KCNC2: variants seen among roughly 807,000 people sequenced by gnomAD.
The protein encoded by KCNC2 is voltage-gated potassium channel KCNC2.
Under a neutral mutation model 44.5 loss-of-function variants are expected in KCNC2, and 21 were observed. The ratio of observed to expected loss-of-function variants is 0.47; its 90% CI spans 0.33 to 0.68. The LOEUF (loss-of-function observed/expected upper bound fraction) is 0.68, where lower values mean the gene tolerates loss of function less well. Ranked by LOEUF, KCNC2 falls within the 30% of genes least tolerant of loss-of-function variation. The pLI, the probability that KCNC2 is intolerant of heterozygous loss-of-function variation, is 0.01. For missense variants in KCNC2, 589 were observed against 826.2 expected (o/e 0.71, Z 3.52); for synonymous variants, 391 against 339.1 (o/e 1.15, Z -1.68).
At chr12:75,126,507 G>A (rs1308778575) in intron 2 of KCNC2, among the ~76,000 whole-genome samples, 1 of 152,032 alleles carries the variant, frequency 6.6e-6, no homozygotes, top group Non-Finnish European at 1.5e-5. Flanking sequence ...AGTATAGTGT[G>A]ATAAATTATA....
In KCNC2 at chr12:75,108,254, C is replaced by T. The variant is rs568177228; in HGVS notation, c.688-56937G>A. On this transcript the variant is annotated intron_variant, in intron 2 of 4. Transcript: ENST00000549446. Reference sequence around the variant, plus strand: ...GTTTCAGTAATGGATATGCACTATACTAATGTGTCCTTGGGCAAGCTACTT... The same window carrying T: ...GTTTCAGTAATGGATATGCACTATATTAATGTGTCCTTGGGCAAGCTACTT... 2.6e-5 allele frequency among the ~76,000 whole-genome samples: 4 copies of T among 152,252 alleles called. No individual in the cohort carries two copies. The South Asian group carries it at 6.2e-4, about 24-fold the overall frequency.
intron 2 of KCNC2, among the ~76,000 whole-genome samples, chr12:75,167,249 T>A (rs1009812392): frequency 1.3e-5 from 2 of 151,388 alleles, no homozygotes; most frequent in Admixed American, 6.6e-5. Flanking sequence ...TTTCTTTTTT[T>A]ATTATCTTTA....
intron 2 of KCNC2, among the ~76,000 whole-genome samples, chr12:75,099,548 G>A (rs1886205038): frequency 6.6e-6 from 1 of 152,118 alleles, no homozygotes; most frequent in Non-Finnish European, 1.5e-5. Flanking sequence ...GATTACAAAG[G>A]AGACATTATT....
At chr12:75,164,190 C>A (rs1469085019) in intron 2 of KCNC2, among the ~76,000 whole-genome samples, 1 of 151,598 alleles carries the variant, frequency 6.6e-6, no homozygotes, top group Non-Finnish European at 1.5e-5. Flanking sequence ...TTGTTATGTA[C>A]TTTTCTATAC....
chr12:75,155,562 G>C (rs1890698121), intron 2 of KCNC2, among the ~76,000 whole-genome samples: 1 of 151,668 alleles, frequency 6.6e-6, no homozygotes, highest in South Asian at 2.1e-4. Context: ...ACAAAATGAA[G>C]ATAATTTGAC....
At chr12:75,161,279 G>A (rs1001093019) in intron 2 of KCNC2, among the ~76,000 whole-genome samples, 3 of 151,570 alleles carry the variant, frequency 2.0e-5, no homozygotes, top group Non-Finnish European at 4.4e-5. Flanking sequence ...GTAAACATCT[G>A]TACATATAAT....
At chr12:75,055,610 T>C (rs1196051691) in intron 2 of KCNC2, among the ~76,000 whole-genome samples, 1 of 152,102 alleles carries the variant, frequency 6.6e-6, no homozygotes, top group Non-Finnish European at 1.5e-5. Flanking sequence ...TGATGCATCA[T>C]CCCAGGTAGT....
intron 2 of KCNC2, among the ~76,000 whole-genome samples, chr12:75,104,518 C>G (rs1312370280): frequency 6.6e-6 from 1 of 151,776 alleles, no homozygotes; most frequent in Non-Finnish European, 1.5e-5. Flanking sequence ...AAAACAGTAC[C>G]CAAGAGAAAC....
At position 75,082,408 on chromosome 12, in the gene KCNC2, C is replaced by A. The variant is rs905006106; in HGVS notation, c.688-31091G>T. The stretch of plus-strand genomic sequence containing the variant: ...TATATGAATTGGTGTTGATAAAATT[C>A]AAAGATGTTTGTTATTCTGGTTGTC... On this transcript the variant is annotated intron_variant, in intron 2 of 4. Transcript: ENST00000549446. Among the ~76,000 whole-genome samples the A allele has an allele frequency of 2.0e-5, 3 of 151,542 alleles. 1 individual carries two copies. Among genetic ancestry groups the A allele is most frequent in the East Asian group, 1.9e-4 (1 of 5,174 alleles).
chr12:75,140,707 A>G (rs1178062622), intron 2 of KCNC2, among the ~76,000 whole-genome samples: 3 of 151,488 alleles, frequency 2.0e-5, no homozygotes, highest in African/African-American at 7.3e-5. Context: ...TGACCAAAAA[A>G]GAAAAAAAAA....
At chr12:75,082,409 A>C (rs1184629368) in intron 2 of KCNC2, among the ~76,000 whole-genome samples, 1 of 151,898 alleles carries the variant, frequency 6.6e-6, no homozygotes, top group African/African-American at 2.4e-5. Context: ...GATAAAATTC[A>C]AAGATGTTTG....
chr12:75,208,751 C>T (rs757657321), intron 1 of KCNC2, among the ~76,000 whole-genome samples: 1 of 152,028 alleles, frequency 6.6e-6, no homozygotes, highest in Non-Finnish European at 1.5e-5. Context: ...AAAAAAAAAT[C>T]TCTGCTGTTG....
At chr12:75,164,716 T>C (rs1290346104) in intron 2 of KCNC2, among the ~76,000 whole-genome samples, 1 of 151,732 alleles carries the variant, frequency 6.6e-6, no homozygotes, top group Non-Finnish European at 1.5e-5. Flanking sequence ...TTCATTTCTC[T>C]TTCCAAATCT....
At chr12:75,153,848 C>T (rs1890576395) in intron 2 of KCNC2, among the ~76,000 whole-genome samples, 3 of 151,738 alleles carry the variant, frequency 2.0e-5, no homozygotes, top group Admixed American at 6.6e-5. Flanking sequence ...AATGTCTTCA[C>T]CCTCATTATC....
chr12:75,130,606 C>A (rs1223987748), intron 2 of KCNC2, among the ~76,000 whole-genome samples: 1 of 152,008 alleles, frequency 6.6e-6, no homozygotes, highest in African/African-American at 2.4e-5. Context: ...ATGAACACAT[C>A]AATAAGAAAT....
At chr12:75,111,367 C>T (rs1887226292) in intron 2 of KCNC2, among the ~76,000 whole-genome samples, 1 of 151,976 alleles carries the variant, frequency 6.6e-6, no homozygotes, top group Admixed American at 6.6e-5. Context: ...ATTGCGTGAA[C>T]CCATTGCACT....
At chr12:75,070,327 T>C (rs1389525289) in intron 2 of KCNC2, among the ~76,000 whole-genome samples, 1 of 151,988 alleles carries the variant, frequency 6.6e-6, no homozygotes, top group African/African-American at 2.4e-5. Flanking sequence ...GGTGCCTGTC[T>C]GTAATCCCAG....
In KCNC2 at chr12:75,075,458, CATATATATAT is replaced by C. The variant is rs5799200; in HGVS notation, c.688-24151_688-24142del. On this transcript the variant is annotated intron_variant, in intron 2 of 4. Transcript: ENST00000549446. ...TTCTCAGGAGAGAAATATATATATA[CATATATATAT>C]ATATATATATATATACACATATATA... Among the ~76,000 whole-genome samples, 3 of 145,586 alleles carry C rather than the reference CATATATATAT, an allele frequency of 2.1e-5. 1 individual carries two copies. The highest frequency in any genetic ancestry group is 7.5e-5 in the African/African-American group (3 of 40,004).
At chr12:75,079,818 G>C (rs1248027682) in intron 2 of KCNC2, among the ~76,000 whole-genome samples, 1 of 151,990 alleles carries the variant, frequency 6.6e-6, no homozygotes, top group Non-Finnish European at 1.5e-5. Flanking sequence ...CATACACTTT[G>C]GCATTTTGGA....
Sources: allele counts gnomAD v4.1 joint callset (sites outside exome capture counted in the v4.1 genomes callset), GRCh38; gene constraint gnomAD v4.1.1; transcripts MANE v1.5; gene names NCBI Gene and HGNC (gene_info 2026-07-23, HGNC 2026-07-21).